EPB41L3: variants seen among roughly 807,000 people sequenced by gnomAD.
EPB41L3 encodes erythrocyte membrane protein band 4.1 like 3, also known as band 4.1-like protein 3.
In EPB41L3, 57 loss-of-function variants were observed where a neutral mutation model predicts 127.1. That is an observed-to-expected ratio of 0.45 (90% confidence interval 0.36 to 0.56). The LOEUF (loss-of-function observed/expected upper bound fraction) is 0.56, where lower values mean the gene tolerates loss of function less well. EPB41L3 is among the 20% of genes least tolerant of loss of function. The probability of loss-of-function intolerance (pLI) is 0.00; values close to 1 mark genes in which losing one functional copy is unlikely to be tolerated. For synonymous variants in EPB41L3, 572 were observed against 549.5 expected (o/e 1.04, Z -0.57); for missense variants, 1,273 against 1,372.2 (o/e 0.93, Z 1.14).
At chr18:5,556,162 G>C (rs1598944825) in intron 3 of EPB41L3, among the ~76,000 whole-genome samples, 2 of 152,182 alleles carry the variant, frequency 1.3e-5, no homozygotes, top group East Asian at 3.8e-4. Context: ...GTCATTATTG[G>C]AATCAGGACA....
At chr18:5,620,193 C>T (rs1462205425) in intron 1 of EPB41L3, among the ~76,000 whole-genome samples, 2 of 152,050 alleles carry the variant, frequency 1.3e-5, no homozygotes, top group Non-Finnish European at 2.9e-5. Context: ...AAAGCTGAAG[C>T]AGCTGTAACT....
intron 1 of EPB41L3, among the ~76,000 whole-genome samples, chr18:5,497,661 A>G (rs911018035): frequency 9.9e-5 from 15 of 152,232 alleles, no homozygotes; most frequent in Admixed American, 3.3e-4. Flanking sequence ...TAACACGGGA[A>G]ATCATTCATG....
At chr18:5,497,932 T>C (rs2148454415) in intron 1 of EPB41L3, among the ~76,000 whole-genome samples, 1 of 152,304 alleles carries the variant, frequency 6.6e-6, no homozygotes, top group East Asian at 1.9e-4. Context: ...TGGCAGAGAA[T>C]TTTAGTCTCC....
chr18:5,465,458 T>C (rs2084788241), intron 3 of EPB41L3, among the ~76,000 whole-genome samples: 1 of 152,214 alleles, frequency 6.6e-6, no homozygotes, highest in Non-Finnish European at 1.5e-5. Context: ...AGTAAATCTC[T>C]AAATAGTATG....
upstream of EPB41L3, chr18:5,630,348 C>T (rs376039159): frequency 1.5e-5 from 8 of 517,538 alleles, no homozygotes; most frequent in East Asian, 1.1e-4. Context: ...CGGCCTACGC[C>T]CGGCTGCCAA....
At chr18:5,403,317 T>A (rs1033540054) in intron 16 of EPB41L3, among the ~76,000 whole-genome samples, 1 of 152,124 alleles carries the variant, frequency 6.6e-6, no homozygotes, top group African/African-American at 2.4e-5. Flanking sequence ...AACTCAAATA[T>A]CTGAAACTTG....
intron 1 of EPB41L3, among the ~76,000 whole-genome samples, chr18:5,496,383 T>C (rs2091181214): frequency 6.6e-6 from 1 of 152,242 alleles, no homozygotes; most frequent in African/African-American, 2.4e-5. Context: ...AAATACATTT[T>C]AATAAGCAAA....
In EPB41L3 at chr18:5,397,936, C is replaced by T; in HGVS notation, c.2472+85G>A. ...TGTTGAAGGCAAAGCCAGCTGGATG[C>T]AACCACACACTCACGCCCAAAAAAA... On this transcript the variant is annotated intron_variant, in intron 17 of 22. Coordinates refer to ENST00000341928, the MANE Select transcript of EPB41L3 (RefSeq NM_012307.5). This position sits in a 1 kb window ranked among gnomAD's most constrained non-coding sequence, Gnocchi z 4.1. The T allele has an allele frequency of 6.5e-7, 1 of 1,546,110 alleles. No homozygotes were observed. Among genetic ancestry groups the T allele is most frequent in the Non-Finnish European group, 8.9e-7 (1 of 1,129,442 alleles).
intron 1 of EPB41L3, among the ~76,000 whole-genome samples, chr18:5,501,826 G>C (rs963917130): frequency 1.3e-5 from 2 of 152,146 alleles, no homozygotes; most frequent in South Asian, 2.1e-4. Flanking sequence ...AGACTATAAA[G>C]AATGTTCTTT....
chr18:5,521,971 A>G, intron 1 of EPB41L3, among the ~76,000 whole-genome samples: 1 of 152,252 alleles, frequency 6.6e-6, no homozygotes, highest in South Asian at 2.1e-4. Context: ...TTATACAGTT[A>G]AAATTTTAAC....
chr18:5,570,202 C>T (rs2149250437), intron 3 of EPB41L3: 1 of 152,128 alleles, frequency 6.6e-6, no homozygotes, highest in African/African-American at 2.4e-5. Context: ...CCTCTGTCAC[C>T]CCTCAAATCA....
intron 11 of EPB41L3, among the ~76,000 whole-genome samples, chr18:5,420,835 A>T (rs553948964): frequency 1.3e-5 from 2 of 152,358 alleles, no homozygotes; most frequent in South Asian, 2.1e-4. Context: ...TATTTTAGGA[A>T]TTTAAAAACG....
At position 5,623,491 on chromosome 18, in the gene EPB41L3, A is replaced by T. The variant is rs1165773628; in HGVS notation, c.-468+5431T>A. On this transcript the variant is annotated intron_variant, in intron 1 of 21. Coordinates refer to the EPB41L3 transcript ENST00000545076. Reference sequence around the variant, plus strand: ...TATTTACAACTATTTGAGGAGGGTGAATTTATCCTCTCAATTTGAAGGCTA... The same window carrying T: ...TATTTACAACTATTTGAGGAGGGTGTATTTATCCTCTCAATTTGAAGGCTA... 2.0e-5 allele frequency among the ~76,000 whole-genome samples: 3 copies of T among 152,070 alleles called. 1 individual carries two copies. The highest frequency in any genetic ancestry group is 6.3e-3 in the Middle Eastern group (2 of 316).
At chr18:5,616,818 T>C (rs1164098623) in intron 1 of EPB41L3, among the ~76,000 whole-genome samples, 1 of 152,192 alleles carries the variant, frequency 6.6e-6, no homozygotes, top group African/African-American at 2.4e-5. Flanking sequence ...TTGATAGCTA[T>C]GGTTCATTTT....
At chr18:5,504,762 A>G (rs1233111574) in intron 1 of EPB41L3, among the ~76,000 whole-genome samples, 1 of 152,058 alleles carries the variant, frequency 6.6e-6, no homozygotes, top group African/African-American at 2.4e-5. Context: ...TCTCCTTCAT[A>G]CAACAGTAAA....
In EPB41L3 at chr18:5,537,763, A is replaced by C. The variant is rs575822959; in HGVS notation, c.-12+6150T>G. On this transcript the variant is annotated intron_variant, in intron 1 of 22. Transcript: ENST00000341928. ...TATCTGGAATGTCTTCTCAATGACT[A>C]ATTGAGAGTCTCTATCAAAATCCAG... Among the ~76,000 whole-genome samples the C allele has an allele frequency of 9.2e-5, 14 of 152,258 alleles. No individual in the cohort carries two copies. In the South Asian group the frequency reaches 1.0e-3, roughly 11 times the overall value.
chr18:5,599,416 A>G (rs959877676), intron 3 of EPB41L3, among the ~76,000 whole-genome samples: 6 of 152,244 alleles, frequency 3.9e-5, no homozygotes, highest in Admixed American at 3.9e-4. Context: ...TTTCCTGTTT[A>G]GGCACCTCAG....
intron 3 of EPB41L3, among the ~76,000 whole-genome samples, chr18:5,477,229 G>C (rs1180479952): frequency 6.6e-6 from 1 of 152,180 alleles, no homozygotes; most frequent in Non-Finnish European, 1.5e-5. Flanking sequence ...ATGGGAAATA[G>C]GTGGGCTTGG....
At chr18:5,461,465 T>C (rs896739376) in intron 3 of EPB41L3, among the ~76,000 whole-genome samples, 1 of 152,202 alleles carries the variant, frequency 6.6e-6, no homozygotes, top group Non-Finnish European at 1.5e-5. Context: ...CAAATGTACA[T>C]ACATGTTAAA....
Sources: allele counts gnomAD v4.1 joint callset (sites outside exome capture counted in the v4.1 genomes callset), GRCh38; gene constraint gnomAD v4.1.1; non-coding constraint Gnocchi (gnomAD v3.1); transcripts MANE v1.5; gene names NCBI Gene and HGNC (gene_info 2026-07-23, HGNC 2026-07-21).